The following EP300 variants were observed in gnomAD, a reference collection of about 807,000 sequenced individuals.
The protein encoded by EP300 is EP300 lysine acetyltransferase.
A neutral mutation model predicts 264.0 loss-of-function variants in EP300; 31 were observed. That is an observed-to-expected ratio of 0.12 (90% CI 0.09 to 0.16). EP300 has a LOEUF of 0.16. Among genes scored for constraint, EP300 ranks in the 10% least tolerant of loss-of-function variants. EP300 has a pLI of 1.00. For missense variants in EP300, 2,766 were observed against 3,052.9 expected (o/e 0.91, Z 2.21); for synonymous variants, 1,340 against 1,045.4 (o/e 1.28, Z -5.44).
chr22:41,140,967 A>G (rs1316814572), intron 9 of EP300, 81 bp from the exon 10 acceptor site: 3 of 1,318,348 alleles, frequency 2.3e-6, no homozygotes, highest in Non-Finnish European at 1.1e-6. Flanking sequence ...ACTAATATCT[A>G]TTCTCAGTTT....
rs973317775 is a variant in EP300, at chr22:41,141,141, C to T, written c.1972C>T (p.Leu658=). 5 of 1,614,148 alleles carry T rather than the reference C, an allele frequency of 3.1e-6. No individual in the cohort carries two copies. In the East Asian group the frequency reaches 8.9e-5, roughly 29 times the overall value. The change falls in exon 10 of 31, where the codon CTA becomes TTA. Residue 658 remains leucine (L), a synonymous_variant. Transcript: ENST00000263253. ...RRTRLQKQNM[L]PNAAGMVPVS... ...GACCAGACTACAGAAGCAGAACATG[C>T]TACCAAATGCTGCAGGCATGGTTCC...
chr22:41,149,147 C>T lies in EP300; in HGVS notation c.2351C>T (p.Pro784Leu), dbSNP rs201480900. The change falls in exon 13 of 31, where the codon CCG becomes CTG. Residue 784 changes from proline (P) to leucine (L), a missense_variant. Physicochemically the swap from Pro to Leu is moderately conservative, Grantham distance 98. Transcript: ENST00000263253. ...AATGTAACAAATATCCCTTTGGCTC[C>T]GTCCAGCGGTCAAGCTCCAGTGTCT... ...GMNVTNIPLA[P>L]SSGQAPVSQA... The T allele has an allele frequency of 1.8e-4, 283 of 1,613,972 alleles. No individual in the cohort carries two copies. The highest frequency in any genetic ancestry group is 2.2e-4 in the Non-Finnish European group (254 of 1,180,004).
At chr22:41,117,086 G>A in intron 1 of EP300, 101 bp from the exon 2 acceptor site, 1 of 1,020,228 alleles carries the variant, frequency 9.8e-7, no homozygotes, top group Non-Finnish European at 1.5e-6. Flanking sequence ...CATGGAGTGA[G>A]GTTGGGAAAT....
intron 4 of EP300, among the ~76,000 whole-genome samples, chr22:41,128,563 G>A (rs1197088643): frequency 6.6e-6 from 1 of 151,680 alleles, no homozygotes; most frequent in African/African-American, 2.4e-5. Flanking sequence ...GCTGGAGTGT[G>A]GTGGCACAAT....
chr22:41,131,496 T>C lies in EP300; in HGVS notation c.1391T>C (p.Ile464Thr). The change falls in exon 6 of 31, where the codon ATA becomes ACA. Residue 464 changes from isoleucine (I) to threonine (T), a missense_variant. Physicochemically the swap from Ile to Thr is moderately conservative, Grantham distance 89 (BLOSUM62 -1). Transcript: ENST00000263253. ...GTTAGTCAGATTGATCCCAGCTCCATAGAAAGAGCCTATGCAGCTCTTGGA... is the reference window on the plus strand; with the variant it reads ...GTTAGTCAGATTGATCCCAGCTCCACAGAAAGAGCCTATGCAGCTCTTGGA... ...STVSQIDPSS[I>T]ERAYAALGLP... 1 of 1,614,110 alleles carries C rather than the reference T, an allele frequency of 6.2e-7. No homozygotes were observed. Among genetic ancestry groups the C allele is most frequent in the Non-Finnish European group, 8.5e-7 (1 of 1,180,022 alleles).
intron 2 of EP300, among the ~76,000 whole-genome samples, chr22:41,119,172 ATTATTTTTTTTTTTT>A (rs2058838099): frequency 9.3e-6 from 1 of 107,274 alleles, no homozygotes; most frequent in Non-Finnish European, 1.8e-5. Context: ...CTGGCTTATT[ATTATTTTTTTTTTTT>A]TTTTTTTTTT....
At chr22:41,154,731 CT>C (rs2059067100) in intron 16 of EP300, among the ~76,000 whole-genome samples, 1 of 152,106 alleles carries the variant, frequency 6.6e-6, no homozygotes. Context: ...TCTGTCTTCA[CT>C]GACTTTGTGA....
At chr22:41,096,612 CTTTTTTTTTT>C (rs749353769) in intron 1 of EP300, among the ~76,000 whole-genome samples, 1 of 104,474 alleles carries the variant, frequency 9.6e-6, no homozygotes, top group African/African-American at 4.0e-5. Context: ...GTCAGCTCTA[CTTTTTTTTTT>C]TTTTTTTTTT....
chr22:41,149,464 CTGGCTGA>C (rs2059030562), intron 13 of EP300, among the ~76,000 whole-genome samples: 1 of 152,112 alleles, frequency 6.6e-6, no homozygotes. Context: ...AGAAGGAAAT[CTGGCTGA>C]AAAGAGCATA....
At chr22:41,162,677 C>A in intron 20 of EP300, 46 bp from the exon 21 acceptor site, 1 of 1,485,144 alleles carries the variant, frequency 6.7e-7, no homozygotes, top group Non-Finnish European at 9.4e-7. Flanking sequence ...AGTCAGATTG[C>A]TCATCTCTAT....
At chr22:41,149,256 C>T (rs886151500) in intron 13 of EP300, 81 bp downstream of exon 13, 8 of 1,526,076 alleles carry the variant, frequency 5.2e-6, no homozygotes, top group Non-Finnish European at 6.4e-6. Context: ...GAGAGAGTGG[C>T]AGCAAATAGT....
In EP300 at chr22:41,176,597, G is replaced by A. The variant is rs142080017; in HGVS notation, c.5061+69G>A. On this transcript the variant is annotated intron_variant, in intron 30 of 30. Transcript: ENST00000263253. Reference sequence around the variant, plus strand: ...TTGTTCTGAGGGGCCATGCAGCCACGTATTTTATAGAGGCCTGTGGGATGC... The same window carrying A: ...TTGTTCTGAGGGGCCATGCAGCCACATATTTTATAGAGGCCTGTGGGATGC... The A allele has an allele frequency of 3.1e-4, 491 of 1,608,692 alleles. 4 individuals are homozygous for A. In the East Asian group the frequency reaches 0.01, roughly 34 times the overall value.
Position 41,178,905 on chromosome 22 carries a change from T to C in EP300, c.7194T>C (p.Asp2398=). ...ASATDLGLST[D]NSDLNSNLSQ... ...CCACGGACCTGGGACTCAGCACCGA[T>C]AACTCAGACTTGAATTCAAACCTCT... Residue 2398 remains aspartate, a synonymous_variant, in exon 31 of 31, where the codon GAT becomes GAC. Transcript: ENST00000263253. 1.9e-6 allele frequency: 3 copies of C among 1,614,212 alleles called. No homozygotes were observed. The highest frequency in any genetic ancestry group is 2.5e-6 in the Non-Finnish European group (3 of 1,180,044).
intron 11 of EP300, 29 bp downstream of exon 11, chr22:41,146,845 T>G: frequency 6.3e-7 from 1 of 1,585,016 alleles, no homozygotes; most frequent in Non-Finnish European, 8.6e-7. Flanking sequence ...TTTTTTATTT[T>G]AAAAGAATCC....
intron 1 of EP300, 52 bp from the exon 2 acceptor site, chr22:41,117,135 T>A (rs2058825806): frequency 1.3e-6 from 2 of 1,533,638 alleles, no homozygotes; most frequent in Non-Finnish European, 1.8e-6. Context: ...AGAGCAGTTT[T>A]TTATTTTGGT....
chr22:41,092,812 C>A lies in EP300; in HGVS notation c.-193C>A, dbSNP rs1365712826. ...GCCCGGCCCCTCGCACTTGCCCTTA[C>A]CTTTTCTATCGAGTCCGCATCCCTC... On this transcript the variant is annotated 5_prime_UTR_variant, in exon 1 of 31. Transcript: ENST00000263253. 5 of 683,694 alleles carry A rather than the reference C, an allele frequency of 7.3e-6. No homozygotes were observed. Among genetic ancestry groups the A allele is most frequent in the African/African-American group, 1.8e-5 (1 of 55,644 alleles). The allele number at this position is 683,694 out of a possible 1,614,324, so 42.4% of individuals were successfully genotyped here.
chr22:41,162,892 C>T (rs2059115472), intron 21 of EP300, 113 bp downstream of exon 21: 2 of 846,114 alleles, frequency 2.4e-6, no homozygotes, highest in Non-Finnish European at 4.1e-6. Flanking sequence ...GCTAAATCTA[C>T]ATAACATACA....
rs771231016 is a variant in EP300 at position 41,117,269 on chromosome 22, T to A, written c.177T>A (p.Gly59=). The A allele has an allele frequency of 9.3e-6, 15 of 1,614,068 alleles. 1 individual carries two copies. In the South Asian group the frequency reaches 1.5e-4, roughly 17 times the overall value. Residue 59 remains glycine (G), a synonymous_variant, in exon 2 of 31, where the codon GGT becomes GGA. Transcript: ENST00000263253. ...NSTELGLTNG[G]DINQLQTSLG... is the part of the protein sequence containing the mutation. The stretch of plus-strand genomic sequence containing the variant: ...CAGAATTGGGACTAACCAATGGTGG[T>A]GATATTAATCAGCTTCAGACAAGTC...
intron 1 of EP300, among the ~76,000 whole-genome samples, chr22:41,101,396 T>G (rs1287322634): frequency 2.0e-5 from 3 of 151,104 alleles, no homozygotes; most frequent in Non-Finnish European, 2.9e-5. Flanking sequence ...TTTCTATTTT[T>G]CATTTTCTTA....
Sources: allele counts gnomAD v4.1 joint callset (sites outside exome capture counted in the v4.1 genomes callset), GRCh38; gene constraint gnomAD v4.1.1; transcripts MANE v1.5; gene names NCBI Gene and HGNC (gene_info 2026-07-23, HGNC 2026-07-21).